Variants in TBC1D12 observed in about 807,000 individuals in gnomAD.
TBC1D12 encodes TBC1 domain family, member 12.
Under a neutral mutation model 86.7 loss-of-function variants are expected in TBC1D12, and 56 were observed. That is an observed-to-expected ratio of 0.65 (90% CI 0.52 to 0.81). The LOEUF is 0.81. TBC1D12 is among the 30% of genes least tolerant of loss of function. TBC1D12 has a pLI of 0.00. For synonymous variants in TBC1D12, 421 were observed against 411.7 expected, an observed-to-expected ratio of 1.02 and a Z score of -0.27; for missense variants, 1,023 against 1,038.8, an observed-to-expected ratio of 0.98 and a Z score of 0.21.
intron 2 of TBC1D12, among the ~76,000 whole-genome samples, chr10:94,442,601 T>C (rs775510409): frequency 6.6e-6 from 1 of 152,188 alleles, no homozygotes; most frequent in South Asian, 2.1e-4. Flanking sequence ...TCTGATCTTA[T>C]TTGACTTCTG....
At chr10:94,418,549 T>G (rs1468944451) in intron 1 of TBC1D12, among the ~76,000 whole-genome samples, 9 of 151,170 alleles carry the variant, frequency 6.0e-5, no homozygotes, top group Non-Finnish European at 1.0e-4. Context: ...TCTTTTATAC[T>G]TTGGTCTATT....
chr10:94,461,038 A>G (rs1035223468), intron 2 of TBC1D12, among the ~76,000 whole-genome samples: 38 of 152,152 alleles, frequency 2.5e-4, no homozygotes, highest in Admixed American at 6.5e-4. Context: ...TTCTGGTTTG[A>G]TAATTCCAAC....
intron 2 of TBC1D12, among the ~76,000 whole-genome samples, chr10:94,467,131 TA>T (rs936744021): frequency 2.6e-5 from 4 of 152,194 alleles, no homozygotes; most frequent in Admixed American, 2.0e-4. Flanking sequence ...TTCTTTTAAA[TA>T]AAAATAGTGT....
intron 9 of TBC1D12, 99 bp from the exon 10 acceptor site, chr10:94,521,856 C>A: frequency 1.8e-6 from 2 of 1,109,226 alleles, no homozygotes; most frequent in Non-Finnish European, 2.4e-6. Flanking sequence ...GTTAATTCTA[C>A]TTTGTAATGT....
chr10:94,516,520 A>C, intron 9 of TBC1D12, among the ~76,000 whole-genome samples: 1 of 150,612 alleles, frequency 6.6e-6, no homozygotes, highest in Non-Finnish European at 1.5e-5. Context: ...TGCACCCATT[A>C]ACTCGTCATT....
At chr10:94,528,779 G>A (rs1324201877) in intron 11 of TBC1D12, among the ~76,000 whole-genome samples, 1 of 149,882 alleles carries the variant, frequency 6.7e-6, no homozygotes, top group African/African-American at 2.5e-5. Flanking sequence ...CCGAGATCCT[G>A]CCACTTCACT....
intron 2 of TBC1D12, among the ~76,000 whole-genome samples, chr10:94,470,941 A>G (rs958561438): frequency 5.3e-5 from 8 of 151,930 alleles, no homozygotes; most frequent in Admixed American, 1.3e-4. Context: ...CTAGAATACA[A>G]CTTCTTATGT....
chr10:94,529,404 A>G (rs528147569), intron 11 of TBC1D12, among the ~76,000 whole-genome samples: 145 of 152,256 alleles, frequency 9.5e-4, no homozygotes, highest in African/African-American at 2.8e-3. Flanking sequence ...AGATCACCTG[A>G]GGTTGGGAAT....
chr10:94,430,994 G>A (rs1039269936), intron 1 of TBC1D12, among the ~76,000 whole-genome samples: 8 of 152,276 alleles, frequency 5.3e-5, no homozygotes, highest in East Asian at 1.9e-4. Context: ...ATAGATGGGC[G>A]TGTACATGAA....
chr10:94,505,251 C>T (rs2056445644), intron 6 of TBC1D12, among the ~76,000 whole-genome samples: 1 of 152,166 alleles, frequency 6.6e-6, no homozygotes, highest in Non-Finnish European at 1.5e-5. Context: ...ATATTCATCT[C>T]TTCTATGAAA....
intron 3 of TBC1D12, among the ~76,000 whole-genome samples, chr10:94,475,390 A>C (rs914140328): frequency 5.9e-5 from 9 of 151,944 alleles, no homozygotes; most frequent in African/African-American, 2.2e-4. Context: ...TTAAGAATAC[A>C]TTTCTTATTT....
intron 5 of TBC1D12, among the ~76,000 whole-genome samples, chr10:94,499,520 T>G (rs1253308591): frequency 3.3e-5 from 5 of 152,204 alleles, no homozygotes; most frequent in Admixed American, 1.3e-4. Flanking sequence ...ACATAACATT[T>G]TAAAATATGC....
rs368922760 is a variant in TBC1D12, at chr10:94,500,222, C to T, written c.1414C>T (p.Arg472Cys). Residue 472 changes from arginine (R) to cysteine (C), a missense_variant and splice_region_variant, in exon 6 of 13, where the codon CGT becomes TGT. Transcript: ENST00000225235. The part of the protein sequence containing the change: ...NEILPNWEVM[R>C]STRRVRELWW... ...TTTTTTCTCCTCCTTTAATTCTAGG[C>T]GTAGTACAAGAAGAGTTCGAGAATT... 18 of 1,611,746 alleles carry T rather than the reference C, an allele frequency of 1.1e-5. No homozygotes were observed. The highest frequency in any genetic ancestry group is 9.4e-5 in the African/African-American group (7 of 74,794).
At chr10:94,494,254 T>G (rs1004205451) in intron 4 of TBC1D12, among the ~76,000 whole-genome samples, 14 of 152,170 alleles carry the variant, frequency 9.2e-5, no homozygotes, top group African/African-American at 3.4e-4. Context: ...ACATACATTT[T>G]TAGAAGATAT....
At position 94,402,808 on chromosome 10, in the gene TBC1D12, G is replaced by T. The variant is rs756992255; in HGVS notation, c.195G>T (p.Pro65=). The T allele has an allele frequency of 5.8e-6, 9 of 1,540,358 alleles. No individual in the cohort carries two copies. Among genetic ancestry groups the T allele is most frequent in the Non-Finnish European group, 3.5e-6 (4 of 1,142,248 alleles). The change falls in exon 1 of 13, where the codon CCG becomes CCT. Residue 65 remains proline (P), a synonymous_variant. Transcript: ENST00000225235. Reference sequence around the variant, plus strand: ...AGGCTGACGAGGAGGAGGAGACGCCGCCTCGGCAGCTCCTTCAGCGTTACC... The same window carrying T: ...AGGCTGACGAGGAGGAGGAGACGCCTCCTCGGCAGCTCCTTCAGCGTTACC... ...EEEADEEEET[P]PRQLLQRYLA... is the part of the protein sequence containing the mutation.
At chr10:94,496,178 GA>G (rs1252914667) in intron 4 of TBC1D12, among the ~76,000 whole-genome samples, 2 of 151,802 alleles carry the variant, frequency 1.3e-5, no homozygotes, top group Non-Finnish European at 2.9e-5. Flanking sequence ...AGGCATATCT[GA>G]AAAAACAATT....
chr10:94,452,283 T>C (rs547630651), intron 2 of TBC1D12, among the ~76,000 whole-genome samples: 4 of 152,172 alleles, frequency 2.6e-5, no homozygotes, highest in South Asian at 4.2e-4. Context: ...TGAACTTACA[T>C]TGACACACAG....
At chr10:94,487,027 T>G (rs2056173505) in intron 3 of TBC1D12, among the ~76,000 whole-genome samples, 1 of 152,154 alleles carries the variant, frequency 6.6e-6, no homozygotes, top group Non-Finnish European at 1.5e-5. Flanking sequence ...TTATATCCTC[T>G]TGCTGAATTG....
chr10:94,477,603 G>A (rs1410315540), intron 3 of TBC1D12, among the ~76,000 whole-genome samples: 1 of 152,122 alleles, frequency 6.6e-6, no homozygotes, highest in Non-Finnish European at 1.5e-5. Flanking sequence ...TCTAGTTATA[G>A]CCCAAGAAGC....
Sources: gnomAD v4.1 joint callset for allele counts (sites outside exome capture counted in the v4.1 genomes callset) on GRCh38, gnomAD v4.1.1 for gene constraint, MANE v1.5 for transcripts, NCBI Gene and HGNC (gene_info 2026-07-23, HGNC 2026-07-21) for gene names.